The following NELL1 variants were observed in gnomAD, a reference collection of about 807,000 sequenced individuals.
NELL1 encodes neural EGFL like 1.
In NELL1, 76 loss-of-function variants were observed where a neutral mutation model predicts 107.4. The ratio of observed to expected loss-of-function variants is 0.71; its 90% CI spans 0.59 to 0.86. NELL1 has a LOEUF of 0.86. Ranked by LOEUF, NELL1 falls within the 40% of genes least tolerant of loss-of-function variation. The probability of loss-of-function intolerance (pLI) is 0.00; values close to 1 mark genes in which losing one functional copy is unlikely to be tolerated. For synonymous variants in NELL1, 353 were observed against 341.2 expected (o/e 1.03, Z -0.38); for missense variants, 1,024 against 1,005.5 (o/e 1.02, Z -0.25).
intron 12 of NELL1, among the ~76,000 whole-genome samples, chr11:20,969,198 C>T (rs1182509451): frequency 1.3e-5 from 2 of 152,096 alleles, no homozygotes; most frequent in Admixed American, 6.6e-5. Context: ...CTCCAGGCTT[C>T]CCTGTGCCCC....
At chr11:21,356,686 G>A (rs763940099) in intron 14 of NELL1, among the ~76,000 whole-genome samples, 31 of 152,032 alleles carry the variant, frequency 2.0e-4, no homozygotes, top group Non-Finnish European at 4.4e-4. Flanking sequence ...AGTTTTTGGG[G>A]AACAGGGTTT....
At chr11:20,683,060 G>A (rs151262621) in intron 2 of NELL1, among the ~76,000 whole-genome samples, 5 of 151,758 alleles carry the variant, frequency 3.3e-5, no homozygotes, top group East Asian at 3.9e-4. Context: ...CTATCTTCTC[G>A]TGATTTGTTT....
intron 5 of NELL1, among the ~76,000 whole-genome samples, chr11:20,906,624 G>C (rs1447005716): frequency 6.6e-6 from 1 of 152,036 alleles, no homozygotes; most frequent in Non-Finnish European, 1.5e-5. Context: ...GAATCCAACA[G>C]TGTATTAAAA....
At chr11:21,027,428 T>C (rs1347569264) in intron 12 of NELL1, among the ~76,000 whole-genome samples, 3 of 152,140 alleles carry the variant, frequency 2.0e-5, no homozygotes, top group African/African-American at 7.2e-5. Context: ...CTAGTGATTA[T>C]TAACAAAGGT....
chr11:21,532,022 G>T (rs1856002797), intron 15 of NELL1, among the ~76,000 whole-genome samples: 1 of 152,114 alleles, frequency 6.6e-6, no homozygotes, highest in Non-Finnish European at 1.5e-5. Flanking sequence ...ACATAAAAAT[G>T]AATTTTCTGG....
chr11:20,757,249 G>A (rs767780460), intron 2 of NELL1, among the ~76,000 whole-genome samples: 21 of 151,004 alleles, frequency 1.4e-4, no homozygotes, highest in Admixed American at 4.0e-4. Flanking sequence ...ACAATGTTGT[G>A]CAATAATCAC....
At position 21,188,742 on chromosome 11, in the gene NELL1, T is replaced by G. The variant is rs1369827471; in HGVS notation, c.1427-40590T>G. On this transcript the variant is annotated intron_variant, in intron 13 of 19. Coordinates refer to ENST00000357134, the MANE Select transcript of NELL1 (RefSeq NM_006157.5). Reference sequence around the variant, plus strand: ...GTTTCCATTTACCTGCTCTGAAGTGTCTGGCTGTGTAACCTAGGACACTTC... The same window carrying G: ...GTTTCCATTTACCTGCTCTGAAGTGGCTGGCTGTGTAACCTAGGACACTTC... Among the ~76,000 whole-genome samples the G allele has an allele frequency of 4.6e-5, 7 of 151,910 alleles. No homozygotes were observed. The East Asian group carries it at 1.3e-3, about 29-fold the overall frequency.
At chr11:21,204,949 C>G (rs1211698620) in intron 13 of NELL1, among the ~76,000 whole-genome samples, 1 of 152,152 alleles carries the variant, frequency 6.6e-6, no homozygotes, top group Admixed American at 6.5e-5. Flanking sequence ...CGCTGCAGAA[C>G]AGCAAAGATT....
At chr11:21,315,487 A>G (rs1473284851) in intron 14 of NELL1, among the ~76,000 whole-genome samples, 2 of 152,334 alleles carry the variant, frequency 1.3e-5, no homozygotes, top group Non-Finnish European at 2.9e-5. Flanking sequence ...GGATGTGGCA[A>G]ACAAGCCAGG....
At chr11:20,899,385 G>C (rs1329028037) in intron 5 of NELL1, among the ~76,000 whole-genome samples, 1 of 152,124 alleles carries the variant, frequency 6.6e-6, no homozygotes, top group Non-Finnish European at 1.5e-5. Context: ...ATCATTTAAA[G>C]TAACTAATCA....
At chr11:21,545,939 T>C (rs1856430933) in intron 16 of NELL1, among the ~76,000 whole-genome samples, 1 of 152,016 alleles carries the variant, frequency 6.6e-6, no homozygotes. Flanking sequence ...TGTGTTTTAA[T>C]GAGAGCTCTC....
chr11:20,774,155 T>A (rs1856700255), intron 2 of NELL1, among the ~76,000 whole-genome samples: 1 of 68,638 alleles, frequency 1.5e-5, no homozygotes, highest in Non-Finnish European at 2.8e-5. Flanking sequence ...CTTTCCTCCA[T>A]CCCTCCCTCT....
chr11:20,845,021 C>G (rs1300376334), intron 3 of NELL1, among the ~76,000 whole-genome samples: 1 of 152,148 alleles, frequency 6.6e-6, no homozygotes, highest in Non-Finnish European at 1.5e-5. Flanking sequence ...CCTCCTAGCC[C>G]TCATGAAAGA....
chr11:21,063,892 A>G (rs1238117857), intron 12 of NELL1, among the ~76,000 whole-genome samples: 1 of 152,224 alleles, frequency 6.6e-6, no homozygotes, highest in East Asian at 1.9e-4. Flanking sequence ...GGAGAAAGCA[A>G]AAATAAAACA....
At chr11:21,235,266 T>C (rs1436600849) in intron 14 of NELL1, among the ~76,000 whole-genome samples, 1 of 152,158 alleles carries the variant, frequency 6.6e-6, no homozygotes, top group Admixed American at 6.6e-5. Flanking sequence ...AACACATTCA[T>C]ATTGAAAAAC....
At chr11:21,322,459 A>G (rs1259888749) in intron 14 of NELL1, among the ~76,000 whole-genome samples, 1 of 152,152 alleles carries the variant, frequency 6.6e-6, no homozygotes, top group African/African-American at 2.4e-5. Flanking sequence ...GTAGATTTTA[A>G]TTTTGTTGAC....
At chr11:21,004,543 C>G (rs1852289823) in intron 12 of NELL1, among the ~76,000 whole-genome samples, 1 of 152,020 alleles carries the variant, frequency 6.6e-6, no homozygotes, top group Non-Finnish European at 1.5e-5. Flanking sequence ...GTCCACATGC[C>G]TTGGTCTCCA....
intron 13 of NELL1, among the ~76,000 whole-genome samples, chr11:21,206,137 T>C (rs1224676512): frequency 1.3e-5 from 2 of 152,178 alleles, no homozygotes; most frequent in Non-Finnish European, 2.9e-5. Flanking sequence ...TCTGACAATT[T>C]TGGAGATCAG....
chr11:20,902,735 G>A lies in NELL1; in HGVS notation c.604-15447G>A, dbSNP rs181705284. The stretch of plus-strand genomic sequence containing the variant: ...GAAAAAACCTAATTGTCCATCAATA[G>A]GAGAATGTTTAAATACGTTGTAGTA... On this transcript the variant is annotated intron_variant, in intron 5 of 19. Transcript: ENST00000357134. Among the ~76,000 whole-genome samples, 123 of 152,018 alleles carry A rather than the reference G, an allele frequency of 8.1e-4. 1 individual carries two copies. The highest frequency in any genetic ancestry group is 3.7e-4 in the Non-Finnish European group (25 of 67,944).
Sources: gnomAD v4.1 joint callset for allele counts (sites outside exome capture counted in the v4.1 genomes callset) on GRCh38, gnomAD v4.1.1 for gene constraint, MANE v1.5 for transcripts, NCBI Gene and HGNC (gene_info 2026-07-23, HGNC 2026-07-21) for gene names.